INPP5B: variants seen among roughly 807,000 people sequenced by gnomAD.
INPP5B encodes type II inositol 1,4,5-trisphosphate 5-phosphatase.
INPP5B carries 90 observed loss-of-function variants against 118.5 expected under a neutral mutation model. That is an observed-to-expected ratio of 0.76 (90% confidence interval 0.64 to 0.90). The LOEUF is 0.90. INPP5B is among the 40% of genes least tolerant of loss of function. The pLI, the probability that INPP5B is intolerant of heterozygous loss-of-function variation, is 0.00. For missense variants in INPP5B, 984 were observed against 1,125.6 expected, an observed-to-expected ratio of 0.87 and a Z score of 1.80; for synonymous variants, 385 against 418.9, an observed-to-expected ratio of 0.92 and a Z score of 0.99.
rs181542742 is a variant in INPP5B at position 37,885,946 on chromosome 1, G to A, written c.1132-121C>T. ...TGTAATCCCAGCACTTTGGGAGTCC[G>A]AGGCGGGTGGATCATGAGGTCAGGA... On this transcript the variant is annotated intron_variant, in intron 12 of 23. Transcript: ENST00000373024. The A allele has an allele frequency of 8.9e-4, 698 of 784,536 alleles. 10 individuals are homozygous for A. In the Admixed American group the frequency reaches 0.013, roughly 14 times the overall value. 48.6% of individuals were successfully genotyped at this position (784,536 alleles called of 1,614,324 possible). A position where few individuals can be genotyped will look rare whatever the true frequency, so the allele number is the denominator to read the frequency against.
intron 7 of INPP5B, among the ~76,000 whole-genome samples, chr1:37,898,190 T>C (rs1644194042): frequency 6.6e-6 from 1 of 152,206 alleles, no homozygotes; most frequent in Non-Finnish European, 1.5e-5. Context: ...ATTTATTATA[T>C]GATTCCAATT....
At position 37,940,763 on chromosome 1, in the gene INPP5B, G is replaced by T. The variant is rs1300751281; in HGVS notation, c.316C>A (p.Leu106Ile). ...DVTVQLDTAE[L>I]SLVFQLPFGS... ...AAGGGCAGTTGGAATACGAGGCTAA[G>T]CTCTGCTGTGTCCAGCTGGACGGTC... The change falls in exon 6 of 24, where the codon CTT becomes ATT. Residue 106 changes from leucine to isoleucine, a missense_variant. Coordinates refer to ENST00000373024, the MANE Select transcript of INPP5B (RefSeq NM_005540.3). The T allele has an allele frequency of 1.2e-6, 2 of 1,614,012 alleles. No homozygotes were observed. The highest frequency in any genetic ancestry group is 4.5e-5 in the East Asian group (2 of 44,880).
At chr1:37,879,349 T>C (rs4585948) in intron 15 of INPP5B, among the ~76,000 whole-genome samples, 50,367 of 151,334 alleles carry the variant, frequency 0.33, 9,663 homozygotes, top group Middle Eastern at 0.43. Flanking sequence ...CTGTACCCCT[T>C]GTCTGCTTGG....
intron 7 of INPP5B, among the ~76,000 whole-genome samples, chr1:37,927,493 T>G (rs1258252784): frequency 6.6e-6 from 1 of 152,036 alleles, no homozygotes; most frequent in Non-Finnish European, 1.5e-5. Context: ...CCTGAAGACG[T>G]GGATTCCAGT....
intron 5 of INPP5B, 110 bp from the exon 6 acceptor site, chr1:37,940,908 A>G (rs775988568): frequency 7.3e-6 from 5 of 680,766 alleles, no homozygotes; most frequent in Non-Finnish European, 1.3e-5. Context: ...AAGCCCCTTC[A>G]GCCCTTAAGC....
chr1:37,943,464 G>A (rs1646008872), intron 5 of INPP5B, among the ~76,000 whole-genome samples, 176 bp downstream of exon 5: 1 of 152,124 alleles, frequency 6.6e-6, no homozygotes, highest in Admixed American at 6.5e-5. Flanking sequence ...GGAAACAGCA[G>A]CAAGGAGGAG....
At chr1:37,905,056 A>G (rs1196125824) in intron 7 of INPP5B, among the ~76,000 whole-genome samples, 7 of 152,162 alleles carry the variant, frequency 4.6e-5, no homozygotes, top group Non-Finnish European at 8.8e-5. Context: ...TAAAGGAAGC[A>G]TTGTCAAATA....
chr1:37,921,295 T>C (rs1645045388), intron 7 of INPP5B, among the ~76,000 whole-genome samples: 1 of 152,148 alleles, frequency 6.6e-6, no homozygotes, highest in Non-Finnish European at 1.5e-5. Flanking sequence ...TTTACTCTTA[T>C]GACAAAAAGG....
chr1:37,866,578 TTC>T, intron 20 of INPP5B, 35 bp from the exon 21 acceptor site: 1 of 1,299,340 alleles, frequency 7.7e-7, no homozygotes, highest in Non-Finnish European at 1.1e-6. Flanking sequence ...AATAATTATT[TTC>T]TCAGAAAATC....
In INPP5B at chr1:37,915,297, C is replaced by T. The variant is rs146605580; in HGVS notation, c.532+16616G>A. Among the ~76,000 whole-genome samples, 491 of 152,312 alleles carry T rather than the reference C, an allele frequency of 3.2e-3. 1 individual carries two copies. The highest frequency in any genetic ancestry group is 5.5e-3 in the Non-Finnish European group (372 of 68,022). On this transcript the variant is annotated intron_variant, in intron 7 of 23. Transcript: ENST00000373024. ...TAGGAAGATAACACATTACCTGTAT[C>T]AAATACTACATAACAACCCCAGCAG...
intron 2 of INPP5B, among the ~76,000 whole-genome samples, 186 bp from the exon 3 acceptor site, chr1:37,946,036 T>C (rs1646099017): frequency 6.6e-6 from 1 of 152,220 alleles, no homozygotes; most frequent in South Asian, 2.1e-4. Context: ...GAAATGAGGA[T>C]AATAATCCCC....
chr1:37,861,737 G>GAAAAA lies in INPP5B; in HGVS notation c.*573_*577dup, dbSNP rs906397063. The GAAAAA allele has an allele frequency of 1.3e-5, 1 of 78,136 alleles. No homozygotes were observed. The highest frequency in any genetic ancestry group is 2.6e-5 in the Non-Finnish European group (1 of 37,926). The allele number at this position is 78,136 out of a possible 1,614,324, so 4.8% of individuals were successfully genotyped here. A position where few individuals can be genotyped will look rare whatever the true frequency, so the allele number is the denominator to read the frequency against. On this transcript the variant is annotated 3_prime_UTR_variant, in exon 24 of 24. Transcript: ENST00000373024. ...AAGAGTGAAACTCCATCTCAAAAAA[G>GAAAAA]AAAAAAAAAAAAAAAAGGCCGGGCG...
chr1:37,903,536 C>T (rs1644402961), intron 7 of INPP5B, among the ~76,000 whole-genome samples: 1 of 152,188 alleles, frequency 6.6e-6, no homozygotes, highest in African/African-American at 2.4e-5. Context: ...ACCATTCTGG[C>T]TAACACGGTG....
intron 6 of INPP5B, among the ~76,000 whole-genome samples, chr1:37,934,940 C>T (rs1362274292): frequency 6.6e-6 from 1 of 151,706 alleles, no homozygotes. Flanking sequence ...TGGCTCACGC[C>T]TGTAATCCCA....
At position 37,885,713 on chromosome 1, in the gene INPP5B, T is replaced by C. The variant is rs1264766037; in HGVS notation, c.1244A>G (p.Tyr415Cys). The C allele has an allele frequency of 1.2e-6, 2 of 1,614,228 alleles. No homozygotes were observed. Among genetic ancestry groups the C allele is most frequent in the South Asian group, 1.1e-5 (1 of 91,090 alleles). ...CTGCATTCGAGAACAAATGTCCTTA[T>C]AGTCCTGGTTCCTCCTCTCATACTC... Reference protein sequence around the residue: ...IEEYERRNQDYKDICSRMQFC... With the variant: ...IEEYERRNQDCKDICSRMQFC... The change falls in exon 13 of 24, where the codon TAT becomes TGT. Residue 415 changes from tyrosine (Y) to cysteine (C), a missense_variant. This residue lies in a region of INPP5B where 634 missense variants were observed against 791.0 expected (regional missense o/e 0.80). Transcript: ENST00000373024.
intron 18 of INPP5B, 27 bp from the exon 19 acceptor site, chr1:37,873,192 T>G: frequency 6.5e-7 from 1 of 1,540,006 alleles, no homozygotes; most frequent in Non-Finnish European, 9.0e-7. Context: ...AAAATAATGT[T>G]GGCCGGGGGC....
At chr1:37,902,813 C>T (rs1209063045) in intron 7 of INPP5B, among the ~76,000 whole-genome samples, 1 of 151,978 alleles carries the variant, frequency 6.6e-6, no homozygotes, top group Non-Finnish European at 1.5e-5. Context: ...CCACCTCAGC[C>T]TCCCAAAATA....
At chr1:37,944,278 C>T (rs1290310884) in intron 3 of INPP5B, among the ~76,000 whole-genome samples, 1 of 152,096 alleles carries the variant, frequency 6.6e-6, no homozygotes, top group African/African-American at 2.4e-5. Context: ...GTCTAAGGCC[C>T]CCTCCCTCCC....
At chr1:37,879,917 A>C (rs1286635280) in intron 15 of INPP5B, among the ~76,000 whole-genome samples, 168 bp downstream of exon 15, 3 of 152,228 alleles carry the variant, frequency 2.0e-5, no homozygotes, top group Non-Finnish European at 2.9e-5. Flanking sequence ...CATGGGAAAG[A>C]AGCCTGCTTC....
Sources: gnomAD v4.1 joint callset for allele counts (sites outside exome capture counted in the v4.1 genomes callset) on GRCh38, gnomAD v4.1.1 for gene constraint, gnomAD v4.1.1 regional missense constraint, MANE v1.5 for transcripts, NCBI Gene and HGNC (gene_info 2026-07-23, HGNC 2026-07-21) for gene names.